The following OPHN1 variants were observed in gnomAD, a reference collection of about 807,000 sequenced individuals.
OPHN1 encodes the protein oligophrenin 1.
A neutral mutation model predicts 60.7 loss-of-function variants in OPHN1; 11 were observed. The ratio of observed to expected loss-of-function variants is 0.18; its 90% CI spans 0.11 to 0.30. The LOEUF (loss-of-function observed/expected upper bound fraction) is 0.30. Among genes scored for constraint, OPHN1 ranks in the 10% least tolerant of loss-of-function variants. The pLI is 1.00. For missense variants in OPHN1, 449 were observed against 611.0 expected (o/e 0.73, Z 2.80); for synonymous variants, 226 against 222.6 (o/e 1.02, Z -0.14).
chrX:68,420,965 T>C (rs2078823890), intron 2 of OPHN1, among the ~76,000 whole-genome samples: 1 of 110,930 alleles, frequency 9.0e-6, no homozygotes, highest in South Asian at 3.8e-4. Context: ...TGTGACTAAC[T>C]GGCTCTGTGA....
intron 19 of OPHN1, among the ~76,000 whole-genome samples, chrX:68,095,122 T>C (rs898162082): frequency 3.5e-4 from 39 of 112,323 alleles, no homozygotes; most frequent in African/African-American, 1.3e-3. Context: ...CTTTGAATAC[T>C]ATTTGTTTAC....
intron 6 of OPHN1, among the ~76,000 whole-genome samples, chrX:68,221,689 A>T (rs987051807): frequency 4.2e-5 from 4 of 95,543 alleles, no homozygotes; most frequent in Admixed American, 1.2e-4. Context: ...ACGATTCCCT[A>T]TTTAATAAAT....
intron 19 of OPHN1, among the ~76,000 whole-genome samples, chrX:68,078,191 A>C (rs957577219): frequency 9.0e-6 from 1 of 111,084 alleles, no homozygotes; most frequent in Admixed American, 9.6e-5. Context: ...ATTTATTGTC[A>C]CAACTGTGGA....
intron 2 of OPHN1, among the ~76,000 whole-genome samples, chrX:68,406,127 G>A (rs1172291278): frequency 9.4e-6 from 1 of 106,130 alleles, no homozygotes; most frequent in Non-Finnish European, 1.9e-5. Flanking sequence ...CAGCCCGGGT[G>A]ACAGAGCAAG....
intron 2 of OPHN1, among the ~76,000 whole-genome samples, chrX:68,389,935 T>C (rs752507637): frequency 1.8e-5 from 2 of 111,109 alleles, no homozygotes; most frequent in South Asian, 7.5e-4. Context: ...AGGAAAGAGG[T>C]TTAATTGACT....
chrX:68,396,267 CAAA>C (rs536490670), intron 2 of OPHN1, among the ~76,000 whole-genome samples: 1 of 64,764 alleles, frequency 1.5e-5, no homozygotes. Context: ...GCTGTCTCTA[CAAA>C]AAAAAAAAAA....
At chrX:68,236,166 A>G (rs972493625) in intron 5 of OPHN1, among the ~76,000 whole-genome samples, 1 of 111,156 alleles carries the variant, frequency 9.0e-6, no homozygotes, top group South Asian at 3.8e-4. Context: ...TAGGAATACA[A>G]CTCGAGAAGT....
At chrX:68,427,050 G>A (rs1302352780) in intron 2 of OPHN1, among the ~76,000 whole-genome samples, 2 of 98,069 alleles carry the variant, frequency 2.0e-5, no homozygotes, top group African/African-American at 3.7e-5. Context: ...TCGAGAGTTC[G>A]AGACCAGCCT....
chrX:68,324,938 C>T lies in OPHN1; in HGVS notation c.155-25842G>A, dbSNP rs1357892267. ...TGGTGGAGTGCACTTGCAGTCCCAG[C>T]TACGCGGGAGGCTGAGGTCGGAGGA... On this transcript the variant is annotated intron_variant, in intron 2 of 24. Transcript: ENST00000355520. 4.5e-5 allele frequency among the ~76,000 whole-genome samples: 5 copies of T among 109,945 alleles called. No individual in the cohort carries two copies. In the East Asian group the frequency reaches 1.4e-3, roughly 31 times the overall value.
chrX:68,088,221 C>G (rs973573972), intron 19 of OPHN1, among the ~76,000 whole-genome samples: 1 of 111,525 alleles, frequency 9.0e-6, no homozygotes, highest in African/African-American at 3.3e-5. Flanking sequence ...CCCCTAAAAA[C>G]CAGTACCTCC....
chrX:68,380,575 A>G (rs1002492102), intron 2 of OPHN1, among the ~76,000 whole-genome samples: 2 of 111,406 alleles, frequency 1.8e-5, no homozygotes, highest in Non-Finnish European at 3.8e-5. Flanking sequence ...TTAGTGCTAT[A>G]AATTTCCCTC....
chrX:68,179,954 T>C (rs1057237832), intron 15 of OPHN1, among the ~76,000 whole-genome samples: 2 of 111,408 alleles, frequency 1.8e-5, no homozygotes, highest in Non-Finnish European at 3.8e-5. Flanking sequence ...ACAGCCCTCA[T>C]GACTTAATCA....
intron 3 of OPHN1, among the ~76,000 whole-genome samples, chrX:68,284,798 G>A (rs933922726): frequency 1.8e-5 from 2 of 111,581 alleles, no homozygotes; most frequent in East Asian, 2.8e-4. Flanking sequence ...AAACACATGT[G>A]ACCTCTGAAT....
intron 2 of OPHN1, among the ~76,000 whole-genome samples, chrX:68,420,518 T>C (rs1331624950): frequency 4.5e-5 from 5 of 111,940 alleles, no homozygotes; most frequent in Non-Finnish European, 9.4e-5. Flanking sequence ...TATATCCACA[T>C]CCTAAAACCC....
intron 6 of OPHN1, among the ~76,000 whole-genome samples, chrX:68,228,695 A>T (rs990385021): frequency 2.9e-4 from 32 of 111,265 alleles, no homozygotes; most frequent in Admixed American, 2.5e-3. Context: ...GAAAAGGCCT[A>T]TGACAAAATT....
intron 15 of OPHN1, among the ~76,000 whole-genome samples, chrX:68,168,172 C>T (rs934104764): frequency 4.5e-5 from 5 of 110,851 alleles, no homozygotes; most frequent in Non-Finnish European, 7.6e-5. Flanking sequence ...ATCTACAGAA[C>T]TCTCCACCCC....
chrX:68,205,674 A>C (rs1371550452), intron 10 of OPHN1, among the ~76,000 whole-genome samples: 3 of 111,425 alleles, frequency 2.7e-5, no homozygotes, highest in Non-Finnish European at 3.8e-5. Context: ...CACAAGAGAG[A>C]TCTTCCATGA....
At chrX:68,120,076 A>C (rs1204535192) in intron 15 of OPHN1, among the ~76,000 whole-genome samples, 1 of 111,065 alleles carries the variant, frequency 9.0e-6, no homozygotes, top group Non-Finnish European at 1.9e-5. Context: ...CAAGAGGGGG[A>C]AAAAAAATTC....
intron 15 of OPHN1, among the ~76,000 whole-genome samples, chrX:68,180,537 T>G (rs2077432096): frequency 9.0e-6 from 1 of 111,625 alleles, no homozygotes; most frequent in African/African-American, 3.3e-5. Context: ...CTTAATTACT[T>G]AATAAATGGA....
Sources: gnomAD v4.1 joint callset for allele counts (sites outside exome capture counted in the v4.1 genomes callset) on GRCh38, gnomAD v4.1.1 for gene constraint, MANE v1.5 for transcripts, NCBI Gene and HGNC (gene_info 2026-07-23, HGNC 2026-07-21) for gene names.